The following SGCZ variants were observed in gnomAD, a reference collection of about 807,000 sequenced individuals.
The protein encoded by SGCZ is zeta-sarcoglycan.
SGCZ carries 40 observed loss-of-function variants against 41.3 expected under a neutral mutation model. That is an observed-to-expected ratio of 0.97 (90% CI 0.75 to 1.26). SGCZ has a LOEUF of 1.26. Ranked by LOEUF, SGCZ falls within the 50% of genes most tolerant of loss-of-function variation. The probability of loss-of-function intolerance (pLI) is 0.00; values close to 1 mark genes in which losing one functional copy is unlikely to be tolerated. For missense variants in SGCZ, 552 were observed against 369.8 expected (o/e 1.49, Z -4.04); for synonymous variants, 206 against 137.5 (o/e 1.50, Z -3.49).
In SGCZ at chr8:14,711,003, T is replaced by C. The variant is rs563954381; in HGVS notation, c.40-156077A>G. ...GATATCTTCACTAGCATTGTTTTCA[T>C]AGGACGTATGACATATATACCCTTT... On this transcript the variant is annotated intron_variant, in intron 1 of 7. Transcript: ENST00000382080. Among the ~76,000 whole-genome samples the C allele has an allele frequency of 2.6e-5, 4 of 152,318 alleles. No homozygotes were observed. In the South Asian group the frequency reaches 6.2e-4, roughly 24 times the overall value.
chr8:14,686,585 G>A (rs1808618601), intron 1 of SGCZ, among the ~76,000 whole-genome samples: 2 of 152,034 alleles, frequency 1.3e-5, no homozygotes, highest in Non-Finnish European at 1.5e-5. Context: ...AGACGGCCAG[G>A]TTTTCAGCTT....
intron 1 of SGCZ, among the ~76,000 whole-genome samples, chr8:14,776,552 T>A (rs1800408220): frequency 7.3e-6 from 1 of 137,658 alleles, no homozygotes; most frequent in African/African-American, 2.7e-5. Context: ...GGAGTCTCGG[T>A]CTGTCGCCCA....
chr8:15,192,892 C>T (rs1422894919), intron 1 of SGCZ, among the ~76,000 whole-genome samples: 1 of 151,976 alleles, frequency 6.6e-6, no homozygotes, highest in Non-Finnish European at 1.5e-5. Flanking sequence ...AAAAAAGGAA[C>T]ATTTAAAAAA....
At chr8:14,274,059 A>T (rs574842950) in intron 3 of SGCZ, among the ~76,000 whole-genome samples, 4 of 152,088 alleles carry the variant, frequency 2.6e-5, no homozygotes, top group Non-Finnish European at 5.9e-5. Flanking sequence ...TTTTTTTTCA[A>T]ATCCCCTGTT....
intron 2 of SGCZ, among the ~76,000 whole-genome samples, chr8:14,411,469 G>A (rs1444270853): frequency 6.6e-6 from 1 of 151,974 alleles, no homozygotes; most frequent in Non-Finnish European, 1.5e-5. Context: ...CCAATATCAA[G>A]TTTATAATGA....
In SGCZ at chr8:15,114,761, T is replaced by G. The variant is rs75183461; in HGVS notation, c.39+122824A>C. Among the ~76,000 whole-genome samples, 933 of 151,762 alleles carry G rather than the reference T, an allele frequency of 6.1e-3. 9 individuals carry two copies. The highest frequency in any genetic ancestry group is 0.02 in the African/African-American group (848 of 41,476). The stretch of plus-strand genomic sequence containing the variant: ...GATACAAGCGTTTTCTTTTTGTTTT[T>G]TTTTTTTTCAGTTTCTCAACTATCT... On this transcript the variant is annotated intron_variant, in intron 1 of 7. Transcript: ENST00000382080.
chr8:14,267,010 G>T (rs1436486413), intron 3 of SGCZ, among the ~76,000 whole-genome samples: 1 of 151,966 alleles, frequency 6.6e-6, no homozygotes. Context: ...AAGATTAAAG[G>T]CTCATAAATC....
At chr8:14,508,691 C>T (rs1750221222) in intron 2 of SGCZ, among the ~76,000 whole-genome samples, 1 of 152,126 alleles carries the variant, frequency 6.6e-6, no homozygotes, top group South Asian at 2.1e-4. Context: ...ATCTGTCTAG[C>T]TAATATGGGT....
At chr8:14,803,560 C>T (rs1041177568) in intron 1 of SGCZ, among the ~76,000 whole-genome samples, 3 of 152,182 alleles carry the variant, frequency 2.0e-5, no homozygotes, top group Admixed American at 6.5e-5. Context: ...ATATCCCGCA[C>T]CCGGCTCAGA....
intron 1 of SGCZ, among the ~76,000 whole-genome samples, chr8:14,858,582 G>A (rs1226507742): frequency 6.6e-6 from 1 of 152,064 alleles, no homozygotes; most frequent in Non-Finnish European, 1.5e-5. Flanking sequence ...TACAATGAAA[G>A]CCAGCACAAT....
At chr8:14,487,363 GAATAT>G (rs746707088) in intron 2 of SGCZ, among the ~76,000 whole-genome samples, 27 of 152,184 alleles carry the variant, frequency 1.8e-4, no homozygotes, top group East Asian at 3.9e-4. Context: ...AAGCTATAAG[GAATAT>G]AATATATTAT....
In SGCZ at chr8:15,179,639, T is replaced by C. The variant is rs193143903; in HGVS notation, c.39+57946A>G. Among the ~76,000 whole-genome samples the C allele has an allele frequency of 1.2e-3, 181 of 152,212 alleles. No homozygotes were observed. In the Middle Eastern group the frequency reaches 0.017, roughly 14 times the overall value. On this transcript the variant is annotated intron_variant, in intron 1 of 7. Coordinates refer to ENST00000382080, the MANE Select transcript of SGCZ (RefSeq NM_139167.4). ...GGTACACAGTCATCAGTTTTGGAAATAATTTATGACTGAAAAAGAAAATGA... is the reference window on the plus strand; with the variant it reads ...GGTACACAGTCATCAGTTTTGGAAACAATTTATGACTGAAAAAGAAAATGA...
At chr8:14,442,851 T>C (rs1489830984) in intron 2 of SGCZ, among the ~76,000 whole-genome samples, 2 of 152,218 alleles carry the variant, frequency 1.3e-5, no homozygotes, top group Non-Finnish European at 2.9e-5. Flanking sequence ...CTGTTATTAT[T>C]GTCTGTCTAA....
At chr8:14,645,497 T>C (rs1182008253) in intron 1 of SGCZ, among the ~76,000 whole-genome samples, 1 of 146,346 alleles carries the variant, frequency 6.8e-6, no homozygotes, top group South Asian at 2.1e-4. Flanking sequence ...TATATATATA[T>C]ATATGGCACA....
chr8:14,988,961 G>C (rs967348288), intron 1 of SGCZ, among the ~76,000 whole-genome samples: 6 of 152,124 alleles, frequency 3.9e-5, no homozygotes, highest in African/African-American at 1.4e-4. Flanking sequence ...GCTCAACTTA[G>C]TGATTCCAAA....
chr8:14,478,250 T>C (rs1284002264), intron 2 of SGCZ, among the ~76,000 whole-genome samples: 2 of 152,246 alleles, frequency 1.3e-5, no homozygotes, highest in Admixed American at 6.5e-5. Context: ...AGAATGTTTA[T>C]AGCAGCTTTA....
chr8:14,528,846 AAAC>A lies in SGCZ; in HGVS notation c.234+25883_234+25885del, dbSNP rs1399884416. 2.4e-4 allele frequency among the ~76,000 whole-genome samples: 37 copies of A among 151,196 alleles called. 2 individuals carry two copies. The highest frequency in any genetic ancestry group is 8.8e-4 in the African/African-American group (36 of 40,984). On this transcript the variant is annotated intron_variant, in intron 2 of 7. Transcript: ENST00000382080. ...ACCAGCCAAAAAAAAAACAAAACAA[AAAC>A]AAAAAAAGAGAAAGTGCCAAAATCT...
intron 1 of SGCZ, among the ~76,000 whole-genome samples, chr8:14,947,182 G>T (rs997089072): frequency 1.3e-5 from 2 of 152,142 alleles, no homozygotes; most frequent in African/African-American, 4.8e-5. Context: ...GGAAGGACAA[G>T]CTGTTCCTGC....
chr8:14,732,068 T>C (rs1798873452), intron 1 of SGCZ, among the ~76,000 whole-genome samples: 1 of 152,226 alleles, frequency 6.6e-6, no homozygotes, highest in Admixed American at 6.5e-5. Flanking sequence ...TCTTTAGAAA[T>C]AATATTGCTT....
Sources: allele counts gnomAD v4.1 joint callset (sites outside exome capture counted in the v4.1 genomes callset), GRCh38; gene constraint gnomAD v4.1.1; transcripts MANE v1.5; gene names NCBI Gene and HGNC (gene_info 2026-07-23, HGNC 2026-07-21).